ZNF223: variants seen among roughly 807,000 people sequenced by gnomAD.
The protein encoded by ZNF223 is Homo sapiens zinc finger protein 223.
A neutral mutation model predicts 12.3 loss-of-function variants in ZNF223; 9 were observed. The observed-to-expected ratio is 0.73, with a 90% CI of 0.44 to 1.28. The LOEUF (loss-of-function observed/expected upper bound fraction) is 1.28. Ranked by LOEUF, ZNF223 falls within the 50% of genes most tolerant of loss-of-function variation. The pLI is 0.00. For synonymous variants in ZNF223, 171 were observed against 195.2 expected (o/e 0.88, Z 1.03); for missense variants, 506 against 579.0 (o/e 0.87, Z 1.29).
Position 44,066,562 on chromosome 19 carries a change from C to A in ZNF223, c.734C>A (p.Ser245Ter). Residue 245 changes from serine to a stop codon, truncating the protein, a stop_gained, in exon 5 of 5, where the codon TCA becomes TAA. Transcript: ENST00000434772. LOFTEE classifies it low-confidence loss of function (END_TRUNC). ...TGTGGGAGAGGCTTCAGATGTAGATCAGCACTTACAGTTCATTGCAAATTA... is the reference window on the plus strand; with the variant it reads ...TGTGGGAGAGGCTTCAGATGTAGATAAGCACTTACAGTTCATTGCAAATTA... ...EQCGRGFRCRSALTVHCKLHM... is the reference protein window; with the variant it reads ...EQCGRGFRCR The A allele has an allele frequency of 6.2e-7, 1 of 1,614,082 alleles. No homozygotes were observed.
At position 44,067,703 on chromosome 19, in the gene ZNF223, G is replaced by A. The variant is rs1976941162; in HGVS notation, c.*426G>A. 3 of 327,186 alleles carry A rather than the reference G, an allele frequency of 9.2e-6. No homozygotes were observed. The highest frequency in any genetic ancestry group is 1.2e-3 in the Middle Eastern group (1 of 862). 20.3% of individuals were successfully genotyped at this position (327,186 alleles called of 1,614,324 possible). On this transcript the variant is annotated 3_prime_UTR_variant, in exon 5 of 5. Transcript: ENST00000434772. The stretch of plus-strand genomic sequence containing the variant: ...GACTGTCAGAGCAGAGAATGCTGCA[G>A]GGTTTCTAACAGAAGTTTGACAATT...
chr19:44,066,099 G>A lies in ZNF223; in HGVS notation c.271G>A (p.Glu91Lys), dbSNP rs780791732. Residue 91 changes from glutamate (E) to lysine (K), a missense_variant, in exon 5 of 5, where the codon GAA becomes AAA. Transcript: ENST00000434772. ...KIQPEMKTFP[E>K]AGPHEGWSCQ... Reference sequence around the variant, plus strand: ...CCAACCTGAGATGAAGACTTTTCCAGAAGCAGGACCACATGAAGGGTGGTC... The same window carrying A: ...CCAACCTGAGATGAAGACTTTTCCAAAAGCAGGACCACATGAAGGGTGGTC... 2 of 1,599,292 alleles carry A rather than the reference G, an allele frequency of 1.3e-6. No homozygotes were observed. The highest frequency in any genetic ancestry group is 1.7e-6 in the Non-Finnish European group (2 of 1,175,786).
chr19:44,067,999 ATC>A (rs1170219478), downstream of ZNF223: 1 of 153,332 alleles, frequency 6.5e-6, no homozygotes, highest in African/African-American at 2.4e-5. Context: ...CTAGACAAGC[ATC>A]TCTCTGTGTT....
chr19:44,063,682 T>G (rs1976870855), intron 4 of ZNF223: 1 of 152,240 alleles, frequency 6.6e-6, no homozygotes, highest in Non-Finnish European at 1.5e-5. Flanking sequence ...CCTTCTGAAG[T>G]TAGCCACATC....
intron 2 of ZNF223, among the ~76,000 whole-genome samples, chr19:44,057,759 C>T (rs550830400): frequency 2.4e-4 from 36 of 152,192 alleles, no homozygotes; most frequent in Non-Finnish European, 3.8e-4. Flanking sequence ...TGGTTTGTGC[C>T]TTGCGAGTAC....
intron 4 of ZNF223, 91 bp from the exon 5 acceptor site, chr19:44,065,973 T>A: frequency 6.7e-7 from 1 of 1,499,184 alleles, no homozygotes; most frequent in South Asian, 1.4e-5. Flanking sequence ...GAACATTCGT[T>A]GAAGTTTCAT....
At chr19:44,053,365 A>C (rs1976725549) in intron 1 of ZNF223, among the ~76,000 whole-genome samples, 1 of 152,150 alleles carries the variant, frequency 6.6e-6, no homozygotes, top group Non-Finnish European at 1.5e-5. Context: ...GGTCAGCCGG[A>C]AAACATGTGA....
chr19:44,067,152 T>A lies in ZNF223; in HGVS notation c.1324T>A (p.Tyr442Asn), dbSNP rs779652746. The stretch of plus-strand genomic sequence containing the variant: ...TGGAAAGAAGCTTGTATACCGGTCA[T>A]ACCGTAAAGACCAACAAAAAAACCA... ...DCGKKLVYRS[Y>N]RKDQQKNHSG... The change falls in exon 5 of 5, where the codon TAC becomes AAC. Residue 442 changes from tyrosine to asparagine, a missense_variant. Tyr to Asn is a moderately radical substitution (Grantham distance 143). Coordinates refer to ENST00000434772, the MANE Select transcript of ZNF223 (RefSeq NM_013361.6). 1 of 1,613,612 alleles carries A rather than the reference T, an allele frequency of 6.2e-7. No individual in the cohort carries two copies. The highest frequency in any genetic ancestry group is 8.5e-7 in the Non-Finnish European group (1 of 1,179,928).
intron 2 of ZNF223, among the ~76,000 whole-genome samples, chr19:44,059,550 G>A (rs1976809951): frequency 1.3e-5 from 2 of 152,236 alleles, no homozygotes; most frequent in Non-Finnish European, 2.9e-5. Context: ...GGTGACTGCA[G>A]CTTGAGATAA....
chr19:44,060,431 G>A, intron 2 of ZNF223, 24 bp from the exon 3 acceptor site: 1 of 1,613,346 alleles, frequency 6.2e-7, no homozygotes, highest in Non-Finnish European at 8.5e-7. Flanking sequence ...GTGAGATTGA[G>A]GTTGCATATG....
intron 2 of ZNF223, among the ~76,000 whole-genome samples, chr19:44,057,352 G>A (rs1976782718): frequency 6.6e-6 from 1 of 152,130 alleles, no homozygotes; most frequent in African/African-American, 2.4e-5. Context: ...AGAGTCAGAT[G>A]TTCTTACATC....
At chr19:44,053,823 G>A (rs1162402547) in intron 1 of ZNF223, among the ~76,000 whole-genome samples, 1 of 152,172 alleles carries the variant, frequency 6.6e-6, no homozygotes, top group Non-Finnish European at 1.5e-5. Flanking sequence ...GGTGTCCCTG[G>A]TTAATCGAGA....
Position 44,066,966 on chromosome 19 carries a change from A to G in ZNF223, c.1138A>G (p.Ser380Gly), listed in dbSNP as rs1016206443. 9 of 1,613,124 alleles carry G rather than the reference A, an allele frequency of 5.6e-6. No individual in the cohort carries two copies. The highest frequency in any genetic ancestry group is 7.6e-6 in the Non-Finnish European group (9 of 1,179,250). ...KPYKCDKCGK[S>G]YITKSGLDLH... ...ATACAAATGTGACAAGTGTGGGAAG[A>G]GCTACATTACTAAGTCAGGTCTTGA... The change falls in exon 5 of 5, where the codon AGC becomes GGC. Residue 380 changes from serine to glycine, a missense_variant. Transcript: ENST00000434772.
intron 2 of ZNF223, among the ~76,000 whole-genome samples, chr19:44,059,713 T>TACAA (rs1976812169): frequency 6.6e-6 from 1 of 152,206 alleles, no homozygotes; most frequent in African/African-American, 2.4e-5. Flanking sequence ...TCCATTCCCC[T>TACAA]GGTTGTTTGG....
At position 44,067,476 on chromosome 19, in the gene ZNF223, G is replaced by T; in HGVS notation, c.*199G>T. 1 of 717,444 alleles carries T rather than the reference G, an allele frequency of 1.4e-6. No individual in the cohort carries two copies. Among genetic ancestry groups the T allele is most frequent in the Non-Finnish European group, 2.4e-6 (1 of 418,282 alleles). The allele number at this position is 717,444 out of a possible 1,614,324, so 44.4% of individuals were successfully genotyped here. A position where few individuals can be genotyped will look rare whatever the true frequency, so the allele number is the denominator to read the frequency against. On this transcript the variant is annotated 3_prime_UTR_variant, in exon 5 of 5. Coordinates refer to ENST00000434772, the MANE Select transcript of ZNF223 (RefSeq NM_013361.6). ...TCACCTTTAGTGCTGCAGAACAGCA[G>T]AACTTCTTCCTCTTATCTACCTGTA...
In ZNF223 at chr19:44,052,087, C is replaced by T. The variant is rs879690710; in HGVS notation, c.-177C>T. ...GGGGTAGTTTGAGCCATTTCTGCGT[C>T]TTGCAGGACATTTTGAACGAACCCC... On this transcript the variant is annotated 5_prime_UTR_variant, in exon 1 of 5. Transcript: ENST00000434772. 6.5e-6 allele frequency: 1 copy of T among 152,788 alleles called. No homozygotes were observed. Among genetic ancestry groups the T allele is most frequent in the Non-Finnish European group, 1.5e-5 (1 of 68,070 alleles). 9.5% of individuals were successfully genotyped at this position (152,788 alleles called of 1,614,324 possible). A position where few individuals can be genotyped will look rare whatever the true frequency, so the allele number is the denominator to read the frequency against.
At chr19:44,053,998 C>T (rs1976733581) in intron 1 of ZNF223, among the ~76,000 whole-genome samples, 1 of 152,118 alleles carries the variant, frequency 6.6e-6, no homozygotes, top group Non-Finnish European at 1.5e-5. Flanking sequence ...CATCTCAAGG[C>T]AGAAGAATTT....
At chr19:44,057,998 T>C (rs1339124270) in intron 2 of ZNF223, among the ~76,000 whole-genome samples, 1 of 152,182 alleles carries the variant, frequency 6.6e-6, no homozygotes, top group Non-Finnish European at 1.5e-5. Flanking sequence ...GAATCTTGAC[T>C]GTATGTGCCC....
chr19:44,060,295 G>A (rs906816685), intron 2 of ZNF223, 160 bp from the exon 3 acceptor site: 12 of 1,232,574 alleles, frequency 9.7e-6, no homozygotes, highest in Non-Finnish European at 1.3e-5. Flanking sequence ...GTGTGTCATT[G>A]TCAGGACACA....
Sources: allele counts gnomAD v4.1 joint callset (sites outside exome capture counted in the v4.1 genomes callset), GRCh38; gene constraint gnomAD v4.1.1; transcripts MANE v1.5; gene names NCBI Gene and HGNC (gene_info 2026-07-23, HGNC 2026-07-21).